Variants in TMC5 observed in about 807,000 individuals in gnomAD.
TMC5 encodes transmembrane channel like 5.
Under a neutral mutation model 110.5 loss-of-function variants are expected in TMC5, and 86 were observed. The observed-to-expected ratio is 0.78, with a 90% CI of 0.65 to 0.93. The LOEUF is 0.93. Ranked by LOEUF, TMC5 falls within the 40% of genes least tolerant of loss-of-function variation. The probability of loss-of-function intolerance (pLI) is 0.00; values close to 1 mark genes in which losing one functional copy is unlikely to be tolerated. For synonymous variants in TMC5, 455 were observed against 439.5 expected, an observed-to-expected ratio of 1.04 and a Z score of -0.44; for missense variants, 1,144 against 1,222.8, an observed-to-expected ratio of 0.94 and a Z score of 0.96.
At chr16:19,463,600 G>A (rs926533996) in intron 7 of TMC5, among the ~76,000 whole-genome samples, 176 bp from the exon 8 acceptor site, 2 of 152,216 alleles carry the variant, frequency 1.3e-5, no homozygotes, top group African/African-American at 4.8e-5. Context: ...GCAAACCTGG[G>A]AAGGTCATAA....
intron 21 of TMC5, 79 bp downstream of exon 21, chr16:19,497,242 CAT>C (rs1969080433): frequency 6.9e-7 from 1 of 1,440,006 alleles, no homozygotes; most frequent in Admixed American, 1.8e-5. Flanking sequence ...AAGAATTGCT[CAT>C]GTGTCCATTA....
intron 15 of TMC5, among the ~76,000 whole-genome samples, chr16:19,482,902 CAG>C (rs1225417627): frequency 6.6e-6 from 1 of 151,940 alleles, no homozygotes; most frequent in Admixed American, 6.6e-5. Flanking sequence ...TTTTTTGAGA[CAG>C]AGTCTTGCTC....
At chr16:19,462,194 A>G (rs1968041036) in intron 6 of TMC5, among the ~76,000 whole-genome samples, 1 of 152,172 alleles carries the variant, frequency 6.6e-6, no homozygotes, top group African/African-American at 2.4e-5. Context: ...ACCTTATAGC[A>G]AGATTTCTTA....
At chr16:19,482,567 T>C (rs1325207428) in intron 15 of TMC5, among the ~76,000 whole-genome samples, 1 of 152,252 alleles carries the variant, frequency 6.6e-6, no homozygotes, top group Non-Finnish European at 1.5e-5. Context: ...AACTGTTGTC[T>C]GTTAGCATTG....
chr16:19,425,934 G>A (rs540122442), intron 1 of TMC5, among the ~76,000 whole-genome samples: 1 of 152,222 alleles, frequency 6.6e-6, no homozygotes, highest in East Asian at 1.9e-4. Flanking sequence ...CAATCCACCC[G>A]CCTTGGCCTC....
chr16:19,422,660 C>CA (rs1171535354), intron 1 of TMC5, among the ~76,000 whole-genome samples: 7 of 151,864 alleles, frequency 4.6e-5, no homozygotes, highest in East Asian at 1.9e-4. Context: ...AATGTCTCTA[C>CA]AAAAAAAATT....
At chr16:19,476,270 C>T (rs1425049040) in intron 12 of TMC5, among the ~76,000 whole-genome samples, 2 of 151,948 alleles carry the variant, frequency 1.3e-5, no homozygotes, top group Admixed American at 6.6e-5. Flanking sequence ...GTGCTTGAGC[C>T]CGGGAGGTCA....
Position 19,440,190 on chromosome 16 carries a change from G to C in TMC5, c.152G>C (p.Arg51Thr). The change falls in exon 3 of 22, where the codon AGG (arginine) becomes ACG (threonine). Residue 51 changes from arginine (R) to threonine (T), a missense_variant. Transcript: ENST00000542583. The stretch of plus-strand genomic sequence containing the variant: ...AACAATCCAGACTACCCCGGCACCA[G>C]GAGCAATCCATACTCTGTAGCCTCC... ...PLNNPDYPGT[R>T]SNPYSVASRT... 1 of 1,614,138 alleles carries C rather than the reference G, an allele frequency of 6.2e-7. No homozygotes were observed. Among genetic ancestry groups the C allele is most frequent in the Non-Finnish European group, 8.5e-7 (1 of 1,180,032 alleles).
Position 19,497,580 on chromosome 16 carries a change from C to T in TMC5, c.2975-340C>T, listed in dbSNP as rs115075692. The stretch of plus-strand genomic sequence containing the variant: ...GTGGGTGCAAAAATGTGGCAGTTCC[C>T]TTGATCACATGATTTCATCTGTAGA... On this transcript the variant is annotated intron_variant, in intron 21 of 21. Transcript: ENST00000542583. 9.5e-3 allele frequency among the ~76,000 whole-genome samples: 1,454 copies of T among 152,292 alleles called. 26 individuals carry two copies. Among genetic ancestry groups the T allele is most frequent in the African/African-American group, 0.033 (1,384 of 41,550 alleles).
chr16:19,449,535 C>T lies in TMC5; in HGVS notation c.959-7C>T, dbSNP rs756357629. The stretch of plus-strand genomic sequence containing the variant: ...AATCGGCAATATCTCCTTCCTCTTC[C>T]CTCCAGTGAACCCTGCTTATGTAGG... On this transcript the variant is annotated splice_polypyrimidine_tract_variant and splice_region_variant and intron_variant, in intron 4 of 21. Coordinates refer to ENST00000542583, the MANE Select transcript of TMC5 (RefSeq NM_001261841.2). The T allele has an allele frequency of 1.2e-6, 2 of 1,613,214 alleles. No homozygotes were observed. The highest frequency in any genetic ancestry group is 3.3e-5 in the Admixed American group (2 of 60,008).
At chr16:19,457,009 T>G (rs376913487) in intron 5 of TMC5, 1 of 1,600,108 alleles carries the variant, frequency 6.2e-7, no homozygotes, top group Non-Finnish European at 8.5e-7. Flanking sequence ...CACATGAAAC[T>G]GTTCAAGGTA....
chr16:19,449,539 C>T lies in TMC5; in HGVS notation c.959-3C>T. On this transcript the variant is annotated splice_polypyrimidine_tract_variant and splice_region_variant and intron_variant, in intron 4 of 21. Coordinates refer to ENST00000542583, the MANE Select transcript of TMC5 (RefSeq NM_001261841.2). ...GGCAATATCTCCTTCCTCTTCCCTCCAGTGAACCCTGCTTATGTAGGTGAA... is the reference window on the plus strand; with the variant it reads ...GGCAATATCTCCTTCCTCTTCCCTCTAGTGAACCCTGCTTATGTAGGTGAA... 1 of 1,613,620 alleles carries T rather than the reference C, an allele frequency of 6.2e-7. No homozygotes were observed. The highest frequency in any genetic ancestry group is 1.3e-5 in the African/African-American group (1 of 75,016).
chr16:19,468,811 C>T (rs1968251160), intron 9 of TMC5, among the ~76,000 whole-genome samples: 1 of 152,154 alleles, frequency 6.6e-6, no homozygotes, highest in Non-Finnish European at 1.5e-5. Context: ...CTGCCAACAC[C>T]TTCATTTTAG....
chr16:19,422,133 A>G lies in TMC5; in HGVS notation c.-308+4041A>G, dbSNP rs565454723. 2.3e-4 allele frequency among the ~76,000 whole-genome samples: 35 copies of G among 152,188 alleles called. No homozygotes were observed. The East Asian group carries it at 6.4e-3, about 28-fold the overall frequency. Reference sequence around the variant, plus strand: ...GTAGTCCCAACTGCTCAGGAGGCTGAGGCAGGAGAATTGCTTGAACCTGGG... The same window carrying G: ...GTAGTCCCAACTGCTCAGGAGGCTGGGGCAGGAGAATTGCTTGAACCTGGG... On this transcript the variant is annotated intron_variant, in intron 1 of 21. Transcript: ENST00000542583.
rs1968075536 is a variant in TMC5 at position 19,463,289 on chromosome 16, T to C, written c.1158T>C (p.Val386=). The C allele has an allele frequency of 1.2e-6, 2 of 1,613,520 alleles. No individual in the cohort carries two copies. The highest frequency in any genetic ancestry group is 2.2e-5 in the East Asian group (1 of 44,880). Residue 386 remains valine (V), a synonymous_variant, in exon 7 of 22, where the codon GTT becomes GTC. Transcript: ENST00000542583. ...MEEKRNLRKI[V]DKEKSKQTHR... is the part of the protein sequence containing the mutation. ...TTGCTGTTCCCTACAGGAAAATAGT[T>C]GACAAAGAAAAAAGCAAACAGACCC...
Position 19,419,402 on chromosome 16 carries a change from GTT to G in TMC5, c.-308+1337_-308+1338del, listed in dbSNP as rs55696911. 5.4e-3 allele frequency among the ~76,000 whole-genome samples: 355 copies of G among 65,564 alleles called. 1 individual carries two copies. The highest frequency in any genetic ancestry group is 0.02 in the African/African-American group (342 of 16,898). The allele number at this position is 65,564 out of a possible 152,430, so 43.0% of individuals were successfully genotyped here. A position where few individuals can be genotyped will look rare whatever the true frequency, so the allele number is the denominator to read the frequency against. On this transcript the variant is annotated intron_variant, in intron 1 of 21. Coordinates refer to ENST00000542583, the MANE Select transcript of TMC5 (RefSeq NM_001261841.2). Reference sequence around the variant, plus strand: ...AAGCTCAGTGGAAATGAATGTGTTGGTTTTTTTTTTTTTTTTTTTTTTTTTTT... The same window carrying G: ...AAGCTCAGTGGAAATGAATGTGTTGGTTTTTTTTTTTTTTTTTTTTTTTTT...
chr16:19,422,494 A>G (rs1012622588), intron 1 of TMC5, among the ~76,000 whole-genome samples: 1 of 152,116 alleles, frequency 6.6e-6, no homozygotes, highest in African/African-American at 2.4e-5. Flanking sequence ...TACTTACTTA[A>G]TTTATCTTTT....
At chr16:19,473,343 CTCAAAAAAAAAAAAAAA>C (rs1968394280) in intron 11 of TMC5, among the ~76,000 whole-genome samples, 1 of 44,902 alleles carries the variant, frequency 2.2e-5, no homozygotes, top group African/African-American at 1.3e-4. Flanking sequence ...GAGACTCCGG[CTCAAAAAAAAAAAAAAA>C]AAAAAAAAAA....
At chr16:19,463,619 C>T (rs1178867319) in intron 7 of TMC5, among the ~76,000 whole-genome samples, 157 bp from the exon 8 acceptor site, 2 of 152,184 alleles carry the variant, frequency 1.3e-5, no homozygotes, top group African/African-American at 2.4e-5. Context: ...AATAGCTCCA[C>T]CTTAGAGTTG....
Sources: allele counts gnomAD v4.1 joint callset (sites outside exome capture counted in the v4.1 genomes callset), GRCh38; gene constraint gnomAD v4.1.1; transcripts MANE v1.5; gene names NCBI Gene and HGNC (gene_info 2026-07-23, HGNC 2026-07-21).